PLCE1: variants seen among roughly 807,000 people sequenced by gnomAD.
PLCE1 encodes 1-phosphatidylinositol 4,5-bisphosphate phosphodiesterase epsilon-1.
Under a neutral mutation model 242.8 loss-of-function variants are expected in PLCE1, and 119 were observed. The ratio of observed to expected loss-of-function variants is 0.49; its 90% CI spans 0.42 to 0.57. The LOEUF (loss-of-function observed/expected upper bound fraction) is 0.57. Ranked by LOEUF, PLCE1 falls within the 20% of genes least tolerant of loss-of-function variation. The pLI is 0.00. For synonymous variants in PLCE1, 945 were observed against 1,017.4 expected (o/e 0.93, Z 1.35); for missense variants, 2,441 against 2,788.8 (o/e 0.88, Z 2.81).
At chr10:94,199,587 C>G (rs895082198) in intron 4 of PLCE1, among the ~76,000 whole-genome samples, 7 of 152,260 alleles carry the variant, frequency 4.6e-5, no homozygotes, top group Non-Finnish European at 7.4e-5. Context: ...TCATTTTTTC[C>G]CCTACATCTT....
intron 29 of PLCE1, among the ~76,000 whole-genome samples, chr10:94,318,002 A>C (rs997708811): frequency 1.3e-5 from 2 of 152,192 alleles, no homozygotes. Flanking sequence ...AGTGAAGATA[A>C]TAGCCAATTT....
chr10:94,265,599 C>T, intron 14 of PLCE1, 48 bp from the exon 15 acceptor site: 3 of 1,493,118 alleles, frequency 2.0e-6, no homozygotes, highest in South Asian at 1.1e-5. Flanking sequence ...CTTTCCCCCT[C>T]TTAGTTTCCT....
chr10:94,300,275 C>T (rs939662684), intron 24 of PLCE1, among the ~76,000 whole-genome samples: 2 of 152,212 alleles, frequency 1.3e-5, no homozygotes, highest in African/African-American at 4.8e-5. Flanking sequence ...GGAGCTGCCA[C>T]TCCATGGGCC....
intron 1 of PLCE1, among the ~76,000 whole-genome samples, chr10:94,004,869 T>C (rs1176373900): frequency 6.6e-6 from 1 of 152,212 alleles, no homozygotes; most frequent in Non-Finnish European, 1.5e-5. Flanking sequence ...ACACTTTCTG[T>C]CATTTGTGAA....
chr10:94,010,750 G>T (rs1365386806), intron 1 of PLCE1, among the ~76,000 whole-genome samples: 1 of 152,166 alleles, frequency 6.6e-6, no homozygotes, highest in Non-Finnish European at 1.5e-5. Context: ...ACACAATGGA[G>T]CCAAGTTCTT....
At chr10:94,137,924 A>C in intron 3 of PLCE1, 1 of 383,252 alleles carries the variant, frequency 2.6e-6, no homozygotes, top group Non-Finnish European at 5.2e-6. Flanking sequence ...TGCTGAGGAG[A>C]TGACCAAGTA....
At chr10:94,065,320 G>A (rs1360162658) in intron 2 of PLCE1, among the ~76,000 whole-genome samples, 6 of 152,104 alleles carry the variant, frequency 3.9e-5, no homozygotes, top group Admixed American at 1.3e-4. Context: ...TTGACCTCTC[G>A]GCTCTGGGGC....
At chr10:94,257,093 C>T (rs1225492176) in intron 11 of PLCE1, among the ~76,000 whole-genome samples, 1 of 152,168 alleles carries the variant, frequency 6.6e-6, no homozygotes, top group African/African-American at 2.4e-5. Context: ...CAACCTATGA[C>T]TACAAAATGC....
At chr10:93,995,608 A>G (rs1175758060) in intron 1 of PLCE1, among the ~76,000 whole-genome samples, 1 of 152,270 alleles carries the variant, frequency 6.6e-6, no homozygotes, top group Non-Finnish European at 1.5e-5. Flanking sequence ...CAACATAAAT[A>G]TCTACTTTGG....
chr10:94,321,940 G>C lies in PLCE1; in HGVS notation c.6382G>C (p.Val2128Leu). 1 of 1,613,826 alleles carries C rather than the reference G, an allele frequency of 6.2e-7. No homozygotes were observed. The highest frequency in any genetic ancestry group is 8.5e-7 in the Non-Finnish European group (1 of 1,179,818). Reference sequence around the variant, plus strand: ...AAACATTGTTCAAGATGACAAAGAGGTGATCTTGAGCTCAGAGGAGGAGAG... The same window carrying C: ...AAACATTGTTCAAGATGACAAAGAGCTGATCTTGAGCTCAGAGGAGGAGAG... Reference protein sequence around the residue: ...EKNIVQDDKEVILSSEEESFF... With the variant: ...EKNIVQDDKELILSSEEESFF... The change falls in exon 30 of 33, where the codon GTG becomes CTG. Residue 2128 changes from valine to leucine, a missense_variant. Val to Leu is a conservative substitution (Grantham distance 32). This residue lies in a region of PLCE1 where 310 missense variants were observed against 317.2 expected (regional missense o/e 0.98). Transcript: ENST00000371380.
intron 3 of PLCE1, among the ~76,000 whole-genome samples, chr10:94,154,283 G>A (rs1215083264): frequency 6.6e-6 from 1 of 152,114 alleles, no homozygotes; most frequent in Non-Finnish European, 1.5e-5. Context: ...AAACAATGAA[G>A]TTGGACCCTT....
chr10:94,098,385 G>A (rs887738515), intron 2 of PLCE1, among the ~76,000 whole-genome samples: 4 of 152,082 alleles, frequency 2.6e-5, no homozygotes, highest in African/African-American at 7.2e-5. Context: ...CCTTGCTGGA[G>A]TATTTAAATC....
Position 94,262,496 on chromosome 10 carries a change from C to A in PLCE1, c.3817C>A (p.Leu1273Met). ...NTSDLQPDLD[L>M]LTRNVSDLGL... ...GTACTGTGGTGATTCTGTTTCAGAT[C>A]TGTTGACCAGAAATGTCTCGGATTT... Residue 1273 changes from leucine (L) to methionine (M), a missense_variant and splice_region_variant, in exon 14 of 33, where the codon CTG becomes ATG. Leu to Met is a conservative substitution (Grantham distance 15). This residue lies in a region of PLCE1 where 1,004 missense variants were observed against 1,322.7 expected (regional missense o/e 0.76). Coordinates refer to ENST00000371380, the MANE Select transcript of PLCE1 (RefSeq NM_016341.4). 1 of 1,602,882 alleles carries A rather than the reference C, an allele frequency of 6.2e-7. No homozygotes were observed. The highest frequency in any genetic ancestry group is 8.5e-7 in the Non-Finnish European group (1 of 1,169,862).
intron 32 of PLCE1, chr10:94,325,411 C>A: frequency 3.4e-6 from 1 of 298,338 alleles, no homozygotes; most frequent in Non-Finnish European, 6.5e-6. Context: ...GCCTGACCAA[C>A]ATGGAGAAAC....
At chr10:94,161,632 C>G (rs1330320105) in intron 3 of PLCE1, among the ~76,000 whole-genome samples, 1 of 152,074 alleles carries the variant, frequency 6.6e-6, no homozygotes, top group Non-Finnish European at 1.5e-5. Context: ...CTTTTCCTAA[C>G]TGAATACCCT....
chr10:94,138,618 G>C (rs1036869879), intron 3 of PLCE1: 2 of 402,836 alleles, frequency 5.0e-6, no homozygotes, highest in Non-Finnish European at 9.7e-6. Flanking sequence ...TGTGGAATTT[G>C]TTATGAGCTT....
chr10:94,332,782 G>A lies in PLCE1; in HGVS notation c.*4839G>A, dbSNP rs2054175446. The A allele has an allele frequency of 6.6e-6, 1 of 152,100 alleles. No individual in the cohort carries two copies. 9.4% of individuals were successfully genotyped at this position (152,100 alleles called of 1,614,324 possible). A position where few individuals can be genotyped will look rare whatever the true frequency, so the allele number is the denominator to read the frequency against. On this transcript the variant is annotated 3_prime_UTR_variant, in exon 33 of 33. Coordinates refer to ENST00000371380, the MANE Select transcript of PLCE1 (RefSeq NM_016341.4). Reference sequence around the variant, plus strand: ...TCTGCTGCCAAAGTAAAGTATAAATGTATTTGTATATGTGTGGAAAATAAA... The same window carrying A: ...TCTGCTGCCAAAGTAAAGTATAAATATATTTGTATATGTGTGGAAAATAAA...
intron 22 of PLCE1, among the ~76,000 whole-genome samples, chr10:94,291,206 C>G (rs1395413434): frequency 6.6e-6 from 1 of 152,036 alleles, no homozygotes; most frequent in Non-Finnish European, 1.5e-5. Context: ...CCAGGCTGGC[C>G]TCAAACTCCT....
intron 2 of PLCE1, among the ~76,000 whole-genome samples, chr10:94,094,998 G>A (rs934216239): frequency 4.6e-5 from 7 of 152,102 alleles, no homozygotes; most frequent in African/African-American, 1.4e-4. Context: ...TTCTTACATG[G>A]CTACTCCACA....
Sources: gnomAD v4.1 joint callset for allele counts (sites outside exome capture counted in the v4.1 genomes callset) on GRCh38, gnomAD v4.1.1 for gene constraint, gnomAD v4.1.1 regional missense constraint, MANE v1.5 for transcripts, NCBI Gene and HGNC (gene_info 2026-07-23, HGNC 2026-07-21) for gene names.